CUX2: variants seen among roughly 807,000 people sequenced by gnomAD.
CUX2 encodes homeobox protein cut-like 2.
In CUX2, 40 loss-of-function variants were observed where a neutral mutation model predicts 144.8. The observed-to-expected ratio is 0.28, with a 90% CI of 0.21 to 0.36. CUX2 has a LOEUF of 0.36. Among genes scored for constraint, CUX2 ranks in the 10% least tolerant of loss-of-function variants. The pLI is 1.00. For synonymous variants in CUX2, 827 were observed against 875.6 expected, an observed-to-expected ratio of 0.94 and a Z score of 0.98; for missense variants, 1,615 against 1,994.0, an observed-to-expected ratio of 0.81 and a Z score of 3.62.
intron 1 of CUX2, among the ~76,000 whole-genome samples, chr12:111,213,788 A>T (rs1230178262): frequency 6.6e-6 from 1 of 152,110 alleles, no homozygotes; most frequent in Non-Finnish European, 1.5e-5. Context: ...CCACTATAAT[A>T]TGCCCATACA....
intron 1 of CUX2, among the ~76,000 whole-genome samples, chr12:111,088,992 C>T (rs1372133994): frequency 2.0e-5 from 3 of 152,154 alleles, no homozygotes; most frequent in African/African-American, 4.8e-5. Flanking sequence ...CCCCACTCCA[C>T]TAGGTTTGCC....
chr12:111,306,816 A>G, intron 10 of CUX2, 105 bp from the exon 11 acceptor site: 4 of 891,834 alleles, frequency 4.5e-6, no homozygotes, highest in Non-Finnish European at 7.0e-6. Flanking sequence ...ACCATCATCC[A>G]GATCAACAAA....
intron 1 of CUX2, among the ~76,000 whole-genome samples, chr12:111,088,379 C>T (rs1253666158): frequency 6.6e-6 from 1 of 152,128 alleles, no homozygotes; most frequent in Non-Finnish European, 1.5e-5. Flanking sequence ...GGCATGGGAG[C>T]TACCACGCCC....
At chr12:111,330,722 T>TATATATATATACATATAC (rs1888073663) in intron 18 of CUX2, among the ~76,000 whole-genome samples, 1 of 51,554 alleles carries the variant, frequency 1.9e-5, no homozygotes, top group African/African-American at 1.1e-4. Context: ...TATATATATA[T>TATATATATATACATATAC]ATATATATAT....
intron 4 of CUX2, among the ~76,000 whole-genome samples, chr12:111,273,572 A>T (rs1204114155): frequency 6.6e-6 from 1 of 152,228 alleles, no homozygotes; most frequent in Non-Finnish European, 1.5e-5. Context: ...TGCTGCCAGT[A>T]GATTGAAAAG....
intron 1 of CUX2, among the ~76,000 whole-genome samples, chr12:111,107,537 C>T (rs756180869): frequency 6.6e-6 from 1 of 152,238 alleles, no homozygotes; most frequent in Non-Finnish European, 1.5e-5. Context: ...GCTGCAGTTC[C>T]CACCGTATTC....
intron 21 of CUX2, among the ~76,000 whole-genome samples, chr12:111,342,310 T>G (rs980705435): frequency 1.3e-5 from 2 of 151,968 alleles, no homozygotes; most frequent in African/African-American, 2.4e-5. Context: ...AGACCTCGTC[T>G]CTACAAAAAA....
chr12:111,326,547 A>T (rs1485359102), intron 18 of CUX2, among the ~76,000 whole-genome samples: 4 of 151,914 alleles, frequency 2.6e-5, no homozygotes, highest in African/African-American at 7.3e-5. Context: ...CCCAGGCTGG[A>T]GTGGTGAGCC....
intron 1 of CUX2, among the ~76,000 whole-genome samples, chr12:111,199,561 A>G (rs1439842333): frequency 2.0e-5 from 3 of 152,184 alleles, no homozygotes; most frequent in Non-Finnish European, 2.9e-5. Flanking sequence ...GCAGAAACAA[A>G]GGGAATGAGA....
At chr12:111,318,244 TC>T (rs1192139593) in intron 16 of CUX2, among the ~76,000 whole-genome samples, 7,394 of 90,920 alleles carry the variant, frequency 0.081, 975 homozygotes, top group East Asian at 0.41. Flanking sequence ...TTTTCTTTTT[TC>T]TTTTTTTTTT....
Position 111,240,495 on chromosome 12 carries a change from G to A in CUX2, c.222+22558G>A, listed in dbSNP as rs1415207496. On this transcript the variant is annotated intron_variant, in intron 3 of 21. Coordinates refer to ENST00000261726, the MANE Select transcript of CUX2 (RefSeq NM_015267.4). ...CAACCAGTTCTAAATACAAACTCCCGAGTTAATGAGTATCACCGGTCTAGC... is the reference window on the plus strand; with the variant it reads ...CAACCAGTTCTAAATACAAACTCCCAAGTTAATGAGTATCACCGGTCTAGC... 2.6e-5 allele frequency among the ~76,000 whole-genome samples: 4 copies of A among 152,194 alleles called. No homozygotes were observed. In the East Asian group the frequency reaches 7.7e-4, roughly 29 times the overall value.
chr12:111,202,589 C>G (rs1880665226), intron 1 of CUX2, among the ~76,000 whole-genome samples: 1 of 152,138 alleles, frequency 6.6e-6, no homozygotes, highest in African/African-American at 2.4e-5. Flanking sequence ...TTCATTAATT[C>G]AAAGTATTGA....
At position 111,348,236 on chromosome 12, in the gene CUX2, C is replaced by T. The variant is rs1888909998; in HGVS notation, c.4372C>T (p.Arg1458Trp). 5.6e-6 allele frequency: 9 copies of T among 1,613,870 alleles called. No homozygotes were observed. Among genetic ancestry groups the T allele is most frequent in the Admixed American group, 1.7e-5 (1 of 59,980 alleles). Residue 1458 changes from arginine (R) to tryptophan (W), a missense_variant, in exon 22 of 22, where the codon CGG (arginine) becomes TGG (tryptophan). Around this residue, in one of 12 missense-constraint regions of CUX2, gnomAD observed 298 missense variants for 330.4 expected, o/e 0.90. Coordinates refer to ENST00000261726, the MANE Select transcript of CUX2 (RefSeq NM_015267.4). ...CAAGGTGAACCCCAACTTGCAGCGG[C>T]GGCATGAGAAGATGGCCAATCTGAA... ...SAKVNPNLQRRHEKMANLNNI... is the reference protein window; with the variant it reads ...SAKVNPNLQRWHEKMANLNNI...
Position 111,307,622 on chromosome 12 carries a change from G to A in CUX2, c.1109+365G>A, listed in dbSNP as rs939279805. Among the ~76,000 whole-genome samples, 3 of 152,218 alleles carry A rather than the reference G, an allele frequency of 2.0e-5. No homozygotes were observed. Among genetic ancestry groups the A allele is most frequent in the Non-Finnish European group, 4.4e-5 (3 of 68,034 alleles). On this transcript the variant is annotated intron_variant, in intron 12 of 21. Coordinates refer to ENST00000261726, the MANE Select transcript of CUX2 (RefSeq NM_015267.4). The surrounding 1 kb of genome is among the most constrained non-coding windows in gnomAD (Gnocchi z 4.1). The stretch of plus-strand genomic sequence containing the variant: ...TGATGTGGGAGGATTGCTTGAGCCT[G>A]AGAGGTCAAGGCTGCAGTGAGCTGT...
intron 18 of CUX2, among the ~76,000 whole-genome samples, chr12:111,333,847 T>C (rs1888222403): frequency 8.0e-6 from 1 of 125,598 alleles, no homozygotes; most frequent in Non-Finnish European, 1.7e-5. Flanking sequence ...ACAGAGAGAG[T>C]CCAACCAGGT....
At chr12:111,159,635 A>T (rs1024118555) in intron 1 of CUX2, among the ~76,000 whole-genome samples, 3 of 152,244 alleles carry the variant, frequency 2.0e-5, no homozygotes, top group African/African-American at 7.2e-5. Context: ...AGTCTCCTGA[A>T]CTTCCAGCCC....
intron 1 of CUX2, among the ~76,000 whole-genome samples, chr12:111,207,670 T>C (rs1880994009): frequency 6.6e-6 from 1 of 152,166 alleles, no homozygotes; most frequent in South Asian, 2.1e-4. Context: ...ATAAAGTGCT[T>C]AGTGCACTCA....
intron 1 of CUX2, among the ~76,000 whole-genome samples, chr12:111,114,780 G>T (rs1402434313): frequency 6.6e-6 from 1 of 152,206 alleles, no homozygotes; most frequent in Non-Finnish European, 1.5e-5. Flanking sequence ...TTTTGGAAGT[G>T]CTGTTGCTTT....
At chr12:111,224,882 G>T (rs1882051218) in intron 3 of CUX2, among the ~76,000 whole-genome samples, 1 of 151,972 alleles carries the variant, frequency 6.6e-6, no homozygotes, top group Non-Finnish European at 1.5e-5. Context: ...AACCTCTCTG[G>T]GTTTCACTTT....
Sources: gnomAD v4.1 joint callset for allele counts (sites outside exome capture counted in the v4.1 genomes callset) on GRCh38, gnomAD v4.1.1 for gene constraint, gnomAD v4.1.1 regional missense constraint, Gnocchi (gnomAD v3.1) non-coding constraint, MANE v1.5 for transcripts, NCBI Gene and HGNC (gene_info 2026-07-23, HGNC 2026-07-21) for gene names.